The following VSTM5 variants were observed in gnomAD, a reference collection of about 807,000 sequenced individuals.
VSTM5 encodes the protein V-set and transmembrane domain-containing protein 5.
In VSTM5, 21 loss-of-function variants were observed where a neutral mutation model predicts 20.3. That is an observed-to-expected ratio of 1.03 (90% CI 0.73 to 1.49). VSTM5 has a LOEUF of 1.49. VSTM5 is among the 40% of genes most tolerant of loss of function. VSTM5 has a pLI of 0.00. For missense variants in VSTM5, 219 were observed against 250.0 expected (o/e 0.88, Z 0.84); for synonymous variants, 100 against 102.5 (o/e 0.98, Z 0.14).
chr11:93,845,120 C>G (rs191349858), intron 1 of VSTM5, among the ~76,000 whole-genome samples: 1 of 152,324 alleles, frequency 6.6e-6, no homozygotes, highest in East Asian at 1.9e-4. Flanking sequence ...TGCAGTAGTT[C>G]TCTGGCCACA....
At chr11:93,825,384 G>A (rs1354493591) in intron 1 of VSTM5, among the ~76,000 whole-genome samples, 1 of 152,150 alleles carries the variant, frequency 6.6e-6, no homozygotes, top group Non-Finnish European at 1.5e-5. Context: ...TGTACAAGCT[G>A]GTCTCAAACT....
intron 1 of VSTM5, among the ~76,000 whole-genome samples, chr11:93,846,264 T>C (rs1473568993): frequency 6.6e-6 from 1 of 152,056 alleles, no homozygotes; most frequent in Non-Finnish European, 1.5e-5. Context: ...TGTCCTTAGG[T>C]CCTGGGGATA....
rs190370980 is a variant in VSTM5, at chr11:93,820,578, A to T, written c.594T>A (p.Val198=). 70 of 1,551,934 alleles carry T rather than the reference A, an allele frequency of 4.5e-5. 1 individual carries two copies. In the East Asian group the frequency reaches 1.6e-3, roughly 36 times the overall value. The change falls in exon 4 of 4, where the codon GTT becomes GTA. Residue 198 remains valine (V), a synonymous_variant. Transcript: ENST00000409977. The stretch of plus-strand genomic sequence containing the variant: ...TCAGGCCCAGCCTTGGCTAACACTC[A>T]ACATCTTCCAGCTCAATCTCCTCAG... The part of the protein sequence containing the change: ...STTEEIELED[V]EC
chr11:93,844,668 TTC>T (rs201934395), intron 1 of VSTM5, among the ~76,000 whole-genome samples: 2 of 152,068 alleles, frequency 1.3e-5, no homozygotes, highest in African/African-American at 2.4e-5. Flanking sequence ...GCTAAGAACT[TTC>T]TCTCTCTCTC....
rs899823433 is a variant in VSTM5, at chr11:93,818,394, G to A, written c.*2175C>T. 7 of 151,890 alleles carry A rather than the reference G, an allele frequency of 4.6e-5. No individual in the cohort carries two copies. The highest frequency in any genetic ancestry group is 1.9e-4 in the East Asian group (1 of 5,188). The allele number at this position is 151,890 out of a possible 1,614,324, so 9.4% of individuals were successfully genotyped here. A position where few individuals can be genotyped will look rare whatever the true frequency, so the allele number is the denominator to read the frequency against. ...GCATTTTAAACCTTTCCACAGGAATGTTCAGTATGGCAGAGCTTTAAAAAT... is the reference window on the plus strand; with the variant it reads ...GCATTTTAAACCTTTCCACAGGAATATTCAGTATGGCAGAGCTTTAAAAAT... On this transcript the variant is annotated 3_prime_UTR_variant, in exon 4 of 4. Coordinates refer to ENST00000409977, the MANE Select transcript of VSTM5 (RefSeq NM_001144871.2).
At chr11:93,848,746 G>A (rs1944433627) in intron 1 of VSTM5, among the ~76,000 whole-genome samples, 1 of 152,192 alleles carries the variant, frequency 6.6e-6, no homozygotes, top group Admixed American at 6.5e-5. Context: ...CCATATCCTA[G>A]GTACCCACTG....
At chr11:93,835,205 G>A (rs1460899461) in intron 1 of VSTM5, among the ~76,000 whole-genome samples, 2 of 152,056 alleles carry the variant, frequency 1.3e-5, no homozygotes, top group African/African-American at 4.8e-5. Flanking sequence ...CAGGAGGAAT[G>A]CTTGAGGCCA....
At chr11:93,822,204 C>T (rs958661039) in intron 1 of VSTM5, 1 of 152,100 alleles carries the variant, frequency 6.6e-6, no homozygotes, top group Non-Finnish European at 1.5e-5. Context: ...GCCTCAGCCT[C>T]CCAAGTAGCT....
rs892473143 is a variant in VSTM5 at position 93,819,065 on chromosome 11, G to A, written c.*1504C>T. On this transcript the variant is annotated 3_prime_UTR_variant, in exon 4 of 4. Coordinates refer to ENST00000409977, the MANE Select transcript of VSTM5 (RefSeq NM_001144871.2). Reference sequence around the variant, plus strand: ...CTGAGAGATCCCTTCCCAAAACTCTGGATTCAATATTGAGGGAAAGGGCTG... The same window carrying A: ...CTGAGAGATCCCTTCCCAAAACTCTAGATTCAATATTGAGGGAAAGGGCTG... 2.0e-5 allele frequency: 3 copies of A among 152,122 alleles called. No homozygotes were observed. Among genetic ancestry groups the A allele is most frequent in the African/African-American group, 7.2e-5 (3 of 41,424 alleles). The allele number at this position is 152,122 out of a possible 1,614,324, so 9.4% of individuals were successfully genotyped here.
chr11:93,834,618 C>CA (rs1944308638), intron 1 of VSTM5, among the ~76,000 whole-genome samples: 1 of 150,680 alleles, frequency 6.6e-6, no homozygotes. Context: ...TCCGGGTCTA[C>CA]AAAAAAATAC....
At chr11:93,828,845 G>T (rs1441522420) in intron 1 of VSTM5, among the ~76,000 whole-genome samples, 1 of 152,174 alleles carries the variant, frequency 6.6e-6, no homozygotes, top group Non-Finnish European at 1.5e-5. Flanking sequence ...TGTTACAGTA[G>T]GGTGGGTGAG....
intron 1 of VSTM5, among the ~76,000 whole-genome samples, chr11:93,840,830 C>A (rs1328403302): frequency 1.3e-5 from 2 of 152,146 alleles, no homozygotes; most frequent in African/African-American, 4.8e-5. Context: ...GCTTCTGAGG[C>A]AGGAGAATAG....
chr11:93,842,115 C>A (rs1170163715), intron 1 of VSTM5, among the ~76,000 whole-genome samples: 6 of 152,204 alleles, frequency 3.9e-5, no homozygotes, highest in Admixed American at 3.9e-4. Context: ...CAGTCTCTAA[C>A]ACTTGGTGAT....
intron 1 of VSTM5, among the ~76,000 whole-genome samples, chr11:93,826,008 G>C (rs1944231576): frequency 6.6e-6 from 1 of 151,998 alleles, no homozygotes; most frequent in African/African-American, 2.4e-5. Flanking sequence ...AGGCCAGTGT[G>C]GGAGAGGATC....
chr11:93,844,310 T>C (rs1320770561), intron 1 of VSTM5, among the ~76,000 whole-genome samples: 1 of 152,002 alleles, frequency 6.6e-6, no homozygotes, highest in African/African-American at 2.4e-5. Flanking sequence ...AGTCCCAGAG[T>C]GAGTCTGGGG....
At position 93,824,860 on chromosome 11, in the gene VSTM5, G is replaced by A. The variant is rs570586713; in HGVS notation, c.92-3537C>T. 2.2e-4 allele frequency among the ~76,000 whole-genome samples: 34 copies of A among 152,228 alleles called. 1 individual carries two copies. The highest frequency in any genetic ancestry group is 7.5e-4 in the African/African-American group (31 of 41,548). On this transcript the variant is annotated intron_variant, in intron 1 of 3. Coordinates refer to ENST00000409977, the MANE Select transcript of VSTM5 (RefSeq NM_001144871.2). ...ATTTTTGTGAATGATGTAAGATAAG[G>A]GTTCAATTTCACTATTTTACATGTG... is the stretch of plus-strand genomic sequence containing the variant.
chr11:93,826,021 T>C (rs1178310042), intron 1 of VSTM5, among the ~76,000 whole-genome samples: 2 of 151,840 alleles, frequency 1.3e-5, no homozygotes, highest in African/African-American at 4.8e-5. Flanking sequence ...AGAGGATCAT[T>C]TGAGGCCAGG....
intron 1 of VSTM5, among the ~76,000 whole-genome samples, chr11:93,822,388 T>TG (rs60745503): frequency 7.2e-6 from 1 of 139,086 alleles, no homozygotes; most frequent in African/African-American, 3.0e-5. Context: ...AGCCATCTCC[T>TG]TTTTTTTTTT....
chr11:93,840,346 CTG>C (rs1944360818), intron 1 of VSTM5, among the ~76,000 whole-genome samples: 1 of 152,206 alleles, frequency 6.6e-6, no homozygotes, highest in Non-Finnish European at 1.5e-5. Flanking sequence ...ACCAAGGCCT[CTG>C]TGATTTTTTA....
Sources: gnomAD v4.1 joint callset for allele counts (sites outside exome capture counted in the v4.1 genomes callset) on GRCh38, gnomAD v4.1.1 for gene constraint, MANE v1.5 for transcripts, NCBI Gene and HGNC (gene_info 2026-07-23, HGNC 2026-07-21) for gene names.